Variants in DLG2 observed in about 807,000 individuals in gnomAD.
The protein encoded by DLG2 is discs large MAGUK scaffold protein 2, also known as disks large homolog 2.
In DLG2, 45 loss-of-function variants were observed where a neutral mutation model predicts 132.5. The observed-to-expected ratio is 0.34, with a 90% confidence interval of 0.27 to 0.44. DLG2 has a LOEUF of 0.44. Ranked by LOEUF, DLG2 falls within the 20% of genes least tolerant of loss-of-function variation. The pLI is 1.00. For missense variants in DLG2, 1,045 were observed against 1,196.9 expected, an observed-to-expected ratio of 0.87 and a Z score of 1.87; for synonymous variants, 424 against 419.6, an observed-to-expected ratio of 1.01 and a Z score of -0.13.
intron 18 of DLG2, among the ~76,000 whole-genome samples, chr11:83,741,872 A>G (rs12802930): frequency 0.28 from 42,984 of 151,460 alleles, 8,577 homozygotes; most frequent in African/African-American, 0.57. Context: ...AAAATTAGCA[A>G]GGCGTGGTGG....
chr11:85,503,293 C>A (rs1188413740), intron 3 of DLG2, among the ~76,000 whole-genome samples: 2 of 152,100 alleles, frequency 1.3e-5, no homozygotes, highest in African/African-American at 4.8e-5. Context: ...TACTCCCCTA[C>A]TTTGAGCCAT....
intron 7 of DLG2, among the ~76,000 whole-genome samples, chr11:84,476,113 T>C (rs1223578535): frequency 6.6e-6 from 1 of 152,116 alleles, no homozygotes; most frequent in East Asian, 1.9e-4. Flanking sequence ...TCTAAGAACA[T>C]ATGTATTTAT....
At chr11:84,463,849 C>A (rs901789815) in intron 7 of DLG2, among the ~76,000 whole-genome samples, 2 of 151,052 alleles carry the variant, frequency 1.3e-5, no homozygotes, top group African/African-American at 4.8e-5. Context: ...GCATACAATA[C>A]CAGACTTGAT....
intron 8 of DLG2, among the ~76,000 whole-genome samples, chr11:84,170,895 A>G (rs1432405062): frequency 6.6e-6 from 1 of 151,814 alleles, no homozygotes; most frequent in Non-Finnish European, 1.5e-5. Flanking sequence ...TTTTTCTATT[A>G]CTCTTTATTC....
intron 8 of DLG2, among the ~76,000 whole-genome samples, chr11:84,228,991 A>G (rs2097050956): frequency 6.6e-6 from 1 of 152,174 alleles, no homozygotes; most frequent in Non-Finnish European, 1.5e-5. Context: ...GATCAAATAA[A>G]TTATCTAAGG....
intron 6 of DLG2, among the ~76,000 whole-genome samples, chr11:84,878,168 T>C (rs2086699513): frequency 6.6e-6 from 1 of 152,124 alleles, no homozygotes; most frequent in Non-Finnish European, 1.5e-5. Flanking sequence ...TCCTCAAGGA[T>C]CTAGAAACAG....
At chr11:84,794,013 T>C (rs1406996228) in intron 6 of DLG2, among the ~76,000 whole-genome samples, 1 of 152,196 alleles carries the variant, frequency 6.6e-6, no homozygotes, top group Non-Finnish European at 1.5e-5. Context: ...GTGAAAGTGA[T>C]TTTCTCTGGT....
intron 16 of DLG2, among the ~76,000 whole-genome samples, chr11:83,850,161 T>TGTGTGTGTGTGTGTGTGTGTG (rs58290466): frequency 1.1e-4 from 14 of 126,860 alleles, no homozygotes; most frequent in South Asian, 4.6e-4. Context: ...TGTGTGTGTG[T>TGTGTGTGTGTGTGTGTGTGTG]TTTTTTACTT....
At chr11:85,100,346 A>G (rs349081) in intron 6 of DLG2, among the ~76,000 whole-genome samples, 18,490 of 152,174 alleles carry the variant, frequency 0.12, 1,330 homozygotes, top group South Asian at 0.24. Context: ...ATTTAGGCAT[A>G]TTTATATGTT....
chr11:84,503,311 C>T (rs1019875469), intron 7 of DLG2, among the ~76,000 whole-genome samples: 2 of 152,032 alleles, frequency 1.3e-5, no homozygotes, highest in African/African-American at 4.8e-5. Flanking sequence ...GTGTGAAAGA[C>T]CTAATAGTGA....
rs562741047 is a variant in DLG2, at chr11:84,655,237, T to C, written c.358-120506A>G. On this transcript the variant is annotated intron_variant, in intron 6 of 27. Coordinates refer to ENST00000376104, the MANE Select transcript of DLG2 (RefSeq NM_001142699.3). ...CCCATTCCAATCTCCTTTCATTTCA[T>C]ATTTCACAAAAACTGGAAACATAAG... Among the ~76,000 whole-genome samples, 17 of 152,282 alleles carry C rather than the reference T, an allele frequency of 1.1e-4. No homozygotes were observed. The East Asian group carries it at 3.3e-3, about 29-fold the overall frequency.
intron 3 of DLG2, among the ~76,000 whole-genome samples, chr11:85,433,458 G>A (rs1368747711): frequency 6.6e-6 from 1 of 152,090 alleles, no homozygotes; most frequent in Non-Finnish European, 1.5e-5. Flanking sequence ...CAAAATAAAG[G>A]GATGGAGGAA....
chr11:84,750,044 C>T (rs1032587529), intron 6 of DLG2, among the ~76,000 whole-genome samples: 3 of 152,082 alleles, frequency 2.0e-5, no homozygotes, highest in Admixed American at 2.0e-4. Context: ...AATTTGGCTC[C>T]TAAATATATG....
chr11:84,713,727 T>A (rs2060701884), intron 6 of DLG2, among the ~76,000 whole-genome samples: 1 of 152,074 alleles, frequency 6.6e-6, no homozygotes, highest in Admixed American at 6.6e-5. Flanking sequence ...AATGCAGAAA[T>A]ACCCATCATC....
At chr11:84,378,902 C>T (rs2098739722) in intron 7 of DLG2, among the ~76,000 whole-genome samples, 1 of 151,836 alleles carries the variant, frequency 6.6e-6, no homozygotes. Context: ...ACCAAGATCG[C>T]GCCACTTCAC....
chr11:84,224,055 C>T (rs2096955286), intron 8 of DLG2, among the ~76,000 whole-genome samples: 1 of 152,156 alleles, frequency 6.6e-6, no homozygotes, highest in Admixed American at 6.5e-5. Context: ...CAGAGTGCTT[C>T]CCCACCCATG....
intron 6 of DLG2, chr11:84,720,408 C>T (rs1266118365): frequency 3.0e-6 from 3 of 985,330 alleles, no homozygotes; most frequent in Admixed American, 1.2e-4. Flanking sequence ...TCCTTCCGGG[C>T]TGCGGCAGTG....
chr11:83,928,829 C>G (rs986484138), intron 15 of DLG2, among the ~76,000 whole-genome samples: 2 of 152,122 alleles, frequency 1.3e-5, no homozygotes, highest in Non-Finnish European at 2.9e-5. Flanking sequence ...ATGCCTGGCA[C>G]AGAAGAGCTC....
intron 6 of DLG2, among the ~76,000 whole-genome samples, chr11:85,086,651 G>A (rs992664710): frequency 3.9e-5 from 6 of 152,058 alleles, no homozygotes; most frequent in African/African-American, 1.4e-4. Context: ...GGAAGGAGAG[G>A]CAAATCACAC....
Sources: gnomAD v4.1 joint callset for allele counts (sites outside exome capture counted in the v4.1 genomes callset) on GRCh38, gnomAD v4.1.1 for gene constraint, MANE v1.5 for transcripts, NCBI Gene and HGNC (gene_info 2026-07-23, HGNC 2026-07-21) for gene names.